ZDHHC20: variants seen among roughly 807,000 people sequenced by gnomAD.
ZDHHC20 encodes zDHHC palmitoyltransferase 20.
ZDHHC20 carries 43 observed loss-of-function variants against 57.8 expected under a neutral mutation model. The observed-to-expected ratio is 0.74, with a 90% CI of 0.58 to 0.96. The LOEUF (loss-of-function observed/expected upper bound fraction) is 0.96, where lower values mean the gene tolerates loss of function less well. ZDHHC20 is among the 40% of genes least tolerant of loss of function. The probability of loss-of-function intolerance (pLI) is 0.00; values close to 1 mark genes in which losing one functional copy is unlikely to be tolerated. For synonymous variants in ZDHHC20, 157 were observed against 153.0 expected (o/e 1.03, Z -0.19); for missense variants, 391 against 441.1 (o/e 0.89, Z 1.02).
chr13:21,432,470 C>G (rs1719289020), intron 1 of ZDHHC20, among the ~76,000 whole-genome samples: 1 of 152,092 alleles, frequency 6.6e-6, no homozygotes, highest in African/African-American at 2.4e-5. Flanking sequence ...GCTGGGACTG[C>G]AGGCGCCCAC....
intron 11 of ZDHHC20, among the ~76,000 whole-genome samples, chr13:21,379,825 CTTTT>C (rs56681468): frequency 7.3e-6 from 1 of 137,760 alleles, no homozygotes; most frequent in Non-Finnish European, 1.5e-5. Context: ...TTTCTTTTTT[CTTTT>C]TTTTTGAGAT....
intron 1 of ZDHHC20, among the ~76,000 whole-genome samples, chr13:21,442,959 A>T (rs1284432620): frequency 6.6e-6 from 1 of 152,144 alleles, no homozygotes; most frequent in Non-Finnish European, 1.5e-5. Context: ...AGTTACACTG[A>T]TTTTCATGGA....
Position 21,375,397 on chromosome 13 carries a change from G to A in ZDHHC20, c.*1299C>T, listed in dbSNP as rs569301774. The A allele has an allele frequency of 3.4e-4, 108 of 314,456 alleles. No individual in the cohort carries two copies. Among genetic ancestry groups the A allele is most frequent in the Non-Finnish European group, 5.6e-4 (91 of 161,062 alleles). The allele number at this position is 314,456 out of a possible 1,614,324, so 19.5% of individuals were successfully genotyped here. On this transcript the variant is annotated 3_prime_UTR_variant, in exon 13 of 13. Transcript: ENST00000400590. ...TGTCTAAAAGGTGTAAATGAGGAGTGACATTTCTACATTGTTTATTCTGTA... is the reference window on the plus strand; with the variant it reads ...TGTCTAAAAGGTGTAAATGAGGAGTAACATTTCTACATTGTTTATTCTGTA...
Position 21,373,318 on chromosome 13 carries a change from A to G in ZDHHC20, c.*3378T>C, listed in dbSNP as rs949607356. The G allele has an allele frequency of 6.6e-6, 1 of 152,198 alleles. No individual in the cohort carries two copies. Among genetic ancestry groups the G allele is most frequent in the African/African-American group, 2.4e-5 (1 of 41,446 alleles). 9.4% of individuals were successfully genotyped at this position (152,198 alleles called of 1,614,324 possible). A position where few individuals can be genotyped will look rare whatever the true frequency, so the allele number is the denominator to read the frequency against. Reference sequence around the variant, plus strand: ...ATAACTGAAAGATCTCACATGCCTGATAATCCTTAATTTAAACCGTCCTGT... The same window carrying G: ...ATAACTGAAAGATCTCACATGCCTGGTAATCCTTAATTTAAACCGTCCTGT... On this transcript the variant is annotated 3_prime_UTR_variant, in exon 13 of 13. Coordinates refer to ENST00000400590, the MANE Select transcript of ZDHHC20 (RefSeq NM_001330059.2).
chr13:21,453,293 A>C (rs1485877095), intron 1 of ZDHHC20, among the ~76,000 whole-genome samples: 1 of 152,242 alleles, frequency 6.6e-6, no homozygotes, highest in African/African-American at 2.4e-5. Flanking sequence ...TTATGCACCT[A>C]ATTACACAGA....
intron 9 of ZDHHC20, among the ~76,000 whole-genome samples, chr13:21,383,597 T>G (rs1873870766): frequency 1.3e-5 from 2 of 152,230 alleles, no homozygotes; most frequent in Non-Finnish European, 2.9e-5. Context: ...CTATTAAGAT[T>G]ATGATGCCTA....
Position 21,401,652 on chromosome 13 carries a change from C to A in ZDHHC20, c.473+1G>T. The A allele has an allele frequency of 6.5e-7, 1 of 1,538,840 alleles. No individual in the cohort carries two copies. Among genetic ancestry groups the A allele is most frequent in the Non-Finnish European group, 8.7e-7 (1 of 1,144,374 alleles). Reference sequence around the variant, plus strand: ...AATTTCTTCTGTTTTTTTATACATACCAAGGACAGTGATGATCCATCTTAA... The same window carrying A: ...AATTTCTTCTGTTTTTTTATACATAACAAGGACAGTGATGATCCATCTTAA... On this transcript the variant is annotated splice_donor_variant, in intron 6 of 12. Transcript: ENST00000400590. LOFTEE classifies it high-confidence loss of function.
chr13:21,438,400 T>A (rs1380278137), intron 1 of ZDHHC20, among the ~76,000 whole-genome samples: 1 of 152,112 alleles, frequency 6.6e-6, no homozygotes, highest in Non-Finnish European at 1.5e-5. Context: ...TCCAAGATCA[T>A]GGATGACACT....
At chr13:21,426,868 A>G (rs1283974808) in intron 1 of ZDHHC20, among the ~76,000 whole-genome samples, 4 of 152,166 alleles carry the variant, frequency 2.6e-5, no homozygotes, top group Non-Finnish European at 5.9e-5. Flanking sequence ...TCAGCCTCCC[A>G]AAGTGTTGGA....
chr13:21,387,744 T>C (rs1313198548), intron 8 of ZDHHC20, 110 bp from the exon 9 acceptor site: 1 of 562,884 alleles, frequency 1.8e-6, no homozygotes, highest in Non-Finnish European at 2.7e-6. Flanking sequence ...ACTGTAAATA[T>C]AATTTAAAAT....
At chr13:21,423,877 T>A (rs1487157349) in intron 2 of ZDHHC20, among the ~76,000 whole-genome samples, 2 of 151,986 alleles carry the variant, frequency 1.3e-5, no homozygotes, top group Admixed American at 1.3e-4. Flanking sequence ...CTAGACCCCA[T>A]ATTAAATCAG....
At chr13:21,455,452 C>T (rs115541137) in intron 1 of ZDHHC20, among the ~76,000 whole-genome samples, 186 of 152,236 alleles carry the variant, frequency 1.2e-3, no homozygotes, top group African/African-American at 3.7e-3. Flanking sequence ...TCCATTCGTA[C>T]TTTAAATATC....
chr13:21,378,856 T>A (rs1400302574), intron 11 of ZDHHC20, 118 bp from the exon 12 acceptor site: 2 of 478,082 alleles, frequency 4.2e-6, no homozygotes, highest in South Asian at 1.5e-4. Flanking sequence ...CAAAATAGGC[T>A]TATGGTGTCA....
At position 21,459,010 on chromosome 13, in the gene ZDHHC20, G is replaced by A. The variant is rs777275331; in HGVS notation, c.118+44C>T. ...GCGCAGAGGCCTATCTCGCGCCCTA[G>A]CCGCGGCCCGCGCCCCGCCGCAGTC... On this transcript the variant is annotated intron_variant, in intron 1 of 12. Coordinates refer to ENST00000400590, the MANE Select transcript of ZDHHC20 (RefSeq NM_001330059.2). 2.6e-5 allele frequency: 39 copies of A among 1,507,150 alleles called. No individual in the cohort carries two copies. The African/African-American group carries it at 5.2e-4, about 20-fold the overall frequency. 93.4% of individuals were successfully genotyped at this position (1,507,150 alleles called of 1,614,324 possible).
In ZDHHC20 at chr13:21,399,774, C is replaced by T. The variant is rs1222334791; in HGVS notation, c.594+599G>A. Reference sequence around the variant, plus strand: ...CGGCAGCATACTATATGCATTCTTCCGTACCTTGTTTTTTTCACGTTAATA... The same window carrying T: ...CGGCAGCATACTATATGCATTCTTCTGTACCTTGTTTTTTTCACGTTAATA... On this transcript the variant is annotated intron_variant, in intron 7 of 12. Coordinates refer to ENST00000400590, the MANE Select transcript of ZDHHC20 (RefSeq NM_001330059.2). 2.0e-5 allele frequency among the ~76,000 whole-genome samples: 3 copies of T among 152,096 alleles called. No homozygotes were observed. In the South Asian group the frequency reaches 6.2e-4, roughly 32 times the overall value.
At chr13:21,400,746 T>C in intron 6 of ZDHHC20, among the ~76,000 whole-genome samples, 1 of 152,274 alleles carries the variant, frequency 6.6e-6, no homozygotes, top group South Asian at 2.1e-4. Flanking sequence ...AGTCTCATTC[T>C]GTTGCCCAGG....
chr13:21,458,983 G>C (rs57438463), intron 1 of ZDHHC20, 71 bp downstream of exon 1: 365,804 of 1,170,760 alleles, frequency 0.31, 59,619 homozygotes, highest in South Asian at 0.34. Flanking sequence ...GGCGGGTGTG[G>C]GGCGCAGAGG....
At chr13:21,428,284 G>A (rs372668944) in intron 1 of ZDHHC20, among the ~76,000 whole-genome samples, 10 of 152,050 alleles carry the variant, frequency 6.6e-5, no homozygotes, top group East Asian at 5.9e-4. Flanking sequence ...AAAGTGGCGT[G>A]ATCTTGGCTC....
intron 1 of ZDHHC20, among the ~76,000 whole-genome samples, chr13:21,432,331 A>C (rs1448648101): frequency 7.5e-6 from 1 of 133,200 alleles, no homozygotes; most frequent in Non-Finnish European, 1.6e-5. Flanking sequence ...TGTCCCACTA[A>C]TTTTTTTTTT....
Sources: gnomAD v4.1 joint callset for allele counts (sites outside exome capture counted in the v4.1 genomes callset) on GRCh38, gnomAD v4.1.1 for gene constraint, MANE v1.5 for transcripts, NCBI Gene and HGNC (gene_info 2026-07-23, HGNC 2026-07-21) for gene names.